ZMYM2: variants seen among roughly 807,000 people sequenced by gnomAD.
ZMYM2 encodes zinc finger MYM-type protein 2.
Under a neutral mutation model 162.8 loss-of-function variants are expected in ZMYM2, and 56 were observed. That is an observed-to-expected ratio of 0.34 (90% confidence interval 0.28 to 0.43). ZMYM2 has a LOEUF of 0.43. ZMYM2 is among the 20% of genes least tolerant of loss of function. The pLI is 1.00. For missense variants in ZMYM2, 1,275 were observed against 1,621.8 expected (o/e 0.79, Z 3.67); for synonymous variants, 510 against 541.6 (o/e 0.94, Z 0.81).
the ZMYM2 span, among the ~76,000 whole-genome samples, chr13:19,867,214 G>A: frequency 3.3e-5 from 5 of 152,232 alleles, no homozygotes; most frequent in South Asian, 4.1e-4. Context: ...TTAGCCAGGC[G>A]TGGTGGCACA....
the ZMYM2 span, among the ~76,000 whole-genome samples, chr13:19,878,917 A>G: frequency 6.6e-6 from 1 of 152,172 alleles, no homozygotes; most frequent in Non-Finnish European, 1.5e-5. Flanking sequence ...TGTTTTACAA[A>G]TATTTTCTCC....
At chr13:19,927,888 T>C in the ZMYM2 span, among the ~76,000 whole-genome samples, 1 of 152,232 alleles carries the variant, frequency 6.6e-6, no homozygotes, top group Non-Finnish European at 1.5e-5. Flanking sequence ...TTTTCCTGAC[T>C]AGTAATAAAA....
Position 20,086,032 on chromosome 13 carries a change from G to A in ZMYM2, c.*18G>A, listed in dbSNP as rs1421891904. On this transcript the variant is annotated 3_prime_UTR_variant, in exon 25 of 25. Coordinates refer to ENST00000610343, the MANE Select transcript of ZMYM2 (RefSeq NM_197968.4). ...CAGACTAAAAAGGAACGTTGCAGAAGCAATCGGGATAAAACAGCATTAGAT... is the reference window on the plus strand; with the variant it reads ...CAGACTAAAAAGGAACGTTGCAGAAACAATCGGGATAAAACAGCATTAGAT... 1.9e-6 allele frequency: 3 copies of A among 1,609,540 alleles called. No individual in the cohort carries two copies. The highest frequency in any genetic ancestry group is 3.3e-5 in the Admixed American group (2 of 59,738).
At chr13:19,947,448 C>G in the ZMYM2 span, among the ~76,000 whole-genome samples, 2 of 110,914 alleles carry the variant, frequency 1.8e-5, no homozygotes, top group Non-Finnish European at 3.6e-5. Flanking sequence ...TCTTCTTCTT[C>G]GTCTTTTTTT....
chr13:20,059,027 T>A (rs377166737), intron 15 of ZMYM2: 1 of 426,794 alleles, frequency 2.3e-6, no homozygotes, highest in South Asian at 2.1e-5. Context: ...ATGTGGTTTG[T>A]AATGGTAACA....
the ZMYM2 span, among the ~76,000 whole-genome samples, chr13:19,902,319 C>T: frequency 1.3e-5 from 2 of 152,238 alleles, no homozygotes; most frequent in Admixed American, 1.3e-4. Flanking sequence ...AGATCTGTTA[C>T]AAAACAATGT....
chr13:20,070,819 C>G (rs763875454), intron 21 of ZMYM2: 1 of 152,912 alleles, frequency 6.5e-6, no homozygotes, highest in Non-Finnish European at 1.5e-5. Context: ...AGTTTCAAAC[C>G]TCTTTTTTAA....
chr13:19,942,746 T>C, the ZMYM2 span, among the ~76,000 whole-genome samples: 2 of 151,968 alleles, frequency 1.3e-5, no homozygotes, highest in Non-Finnish European at 2.9e-5. Flanking sequence ...ATTTTTGAAA[T>C]AGCTCATAAT....
At chr13:19,958,352 G>T, upstream of ZMYM2, among the ~76,000 whole-genome samples, 1 of 152,076 alleles carries the variant, frequency 6.6e-6, no homozygotes, top group Non-Finnish European at 1.5e-5. Context: ...GGCCCCGCCG[G>T]AGTCTCCCGG....
intron 2 of ZMYM2, among the ~76,000 whole-genome samples, chr13:19,965,492 C>T (rs1427702661): frequency 6.6e-6 from 1 of 152,162 alleles, no homozygotes; most frequent in Non-Finnish European, 1.5e-5. Flanking sequence ...GATATTACAA[C>T]ACCTGTTATA....
At chr13:20,079,319 A>C (rs1159082031) in intron 21 of ZMYM2, among the ~76,000 whole-genome samples, 1 of 127,014 alleles carries the variant, frequency 7.9e-6, no homozygotes, top group African/African-American at 2.9e-5. Context: ...TCTGTCTCAA[A>C]AAAAAAAAAA....
At chr13:19,957,675 G>C (rs971085916), upstream of ZMYM2, among the ~76,000 whole-genome samples, 2 of 152,256 alleles carry the variant, frequency 1.3e-5, no homozygotes, top group Non-Finnish European at 2.9e-5. Context: ...CAACCATTGA[G>C]GACCAGGAGA....
chr13:19,910,522 TTC>T, the ZMYM2 span, among the ~76,000 whole-genome samples: 24 of 149,798 alleles, frequency 1.6e-4, 1 homozygote, highest in Admixed American at 2.7e-4. Context: ...ACACCTTTCT[TTC>T]TCTCTCTCTC....
At chr13:19,929,617 C>A in the ZMYM2 span, among the ~76,000 whole-genome samples, 1 of 147,766 alleles carries the variant, frequency 6.8e-6, no homozygotes, top group Non-Finnish European at 1.5e-5. Context: ...TCTGCACAAA[C>A]CAAAATTTGG....
the ZMYM2 span, among the ~76,000 whole-genome samples, chr13:19,932,252 C>T: frequency 2.0e-5 from 3 of 152,244 alleles, no homozygotes; most frequent in East Asian, 3.9e-4. Context: ...AGCCCTAGCC[C>T]CAATGTGATG....
intron 2 of ZMYM2, among the ~76,000 whole-genome samples, chr13:19,990,546 T>TAA (rs2139683206): frequency 1.3e-5 from 2 of 152,334 alleles, no homozygotes; most frequent in Admixed American, 1.3e-4. Flanking sequence ...AGTTATCTCT[T>TAA]CACCTTCTGT....
At chr13:20,060,963 A>ATGTGTG (rs1253457691) in intron 16 of ZMYM2, 90 bp from the exon 17 acceptor site, 12 of 1,263,262 alleles carry the variant, frequency 9.5e-6, no homozygotes, top group Non-Finnish European at 1.3e-5. Flanking sequence ...GTGATATTAC[A>ATGTGTG]AAGTAGATCA....
chr13:20,047,950 T>A (rs971450871), intron 12 of ZMYM2, among the ~76,000 whole-genome samples: 2 of 152,216 alleles, frequency 1.3e-5, no homozygotes, highest in Admixed American at 1.3e-4. Flanking sequence ...GTTCTTTTGA[T>A]CTTTGTAAGT....
chr13:19,918,483 TTTTC>T, the ZMYM2 span, among the ~76,000 whole-genome samples: 2 of 148,312 alleles, frequency 1.3e-5, no homozygotes, highest in African/African-American at 2.5e-5. Context: ...TTTCTTTTCT[TTTTC>T]TTTCTTTCTT....
Sources: gnomAD v4.1 joint callset for allele counts (sites outside exome capture counted in the v4.1 genomes callset) on GRCh38, gnomAD v4.1.1 for gene constraint, MANE v1.5 for transcripts, NCBI Gene and HGNC (gene_info 2026-07-23, HGNC 2026-07-21) for gene names.